The following C11orf65 variants were observed in gnomAD, a reference collection of about 807,000 sequenced individuals.
C11orf65 encodes the protein protein MFI.
C11orf65 carries 38 observed loss-of-function variants against 35.3 expected under a neutral mutation model. The ratio of observed to expected loss-of-function variants is 1.08; its 90% CI spans 0.83 to 1.41. C11orf65 has a LOEUF of 1.41. Among genes scored for constraint, C11orf65 ranks in the 40% most tolerant of loss-of-function variants. The pLI, the probability that C11orf65 is intolerant of heterozygous loss-of-function variation, is 0.00. For synonymous variants in C11orf65, 105 were observed against 114.4 expected (o/e 0.92, Z 0.53); for missense variants, 370 against 367.1 (o/e 1.01, Z -0.06).
chr11:108,368,226 AT>A (rs955312830), intron 2 of C11orf65: 1 of 203,138 alleles, frequency 4.9e-6, no homozygotes, highest in African/African-American at 2.3e-5. Context: ...TTTTTTTGTA[AT>A]TTTAGTAGAG....
At chr11:108,393,904 C>A (rs1044214965) in intron 6 of C11orf65, among the ~76,000 whole-genome samples, 1 of 151,944 alleles carries the variant, frequency 6.6e-6, no homozygotes, top group Non-Finnish European at 1.5e-5. Context: ...ACAGCCAGGC[C>A]CAGCGCGGTG....
chr11:108,413,616 A>T (rs528144532), intron 3 of C11orf65, among the ~76,000 whole-genome samples: 1 of 152,178 alleles, frequency 6.6e-6, no homozygotes. Flanking sequence ...TCTTAGAGGA[A>T]GCGCTTTCAA....
intron 2 of C11orf65, chr11:108,366,086 A>C (rs887884019): frequency 8.5e-5 from 16 of 189,094 alleles, no homozygotes; most frequent in African/African-American, 3.7e-4. Flanking sequence ...AAGATCACTC[A>C]GTGTTACTAA....
chr11:108,384,141 C>T (rs1354415577), intron 8 of C11orf65, among the ~76,000 whole-genome samples: 1 of 152,096 alleles, frequency 6.6e-6, no homozygotes, highest in East Asian at 1.9e-4. Context: ...GGATTACAGG[C>T]ATGAGCCATT....
chr11:108,402,752 C>T (rs920784060), intron 6 of C11orf65, among the ~76,000 whole-genome samples: 3 of 152,106 alleles, frequency 2.0e-5, no homozygotes, highest in Non-Finnish European at 2.9e-5. Context: ...TTCCTCTTTC[C>T]TATCTCCAGA....
At chr11:108,374,836 G>A (rs1015634348) in intron 2 of C11orf65, among the ~76,000 whole-genome samples, 2 of 152,204 alleles carry the variant, frequency 1.3e-5, no homozygotes, top group Non-Finnish European at 2.9e-5. Flanking sequence ...ACTACGTGAA[G>A]AATGCAGAAG....
In C11orf65 at chr11:108,309,539, C is replaced by G. The variant is rs2083970056; in HGVS notation, c.641-468G>C. Among the ~76,000 whole-genome samples, 4 of 152,166 alleles carry G rather than the reference C, an allele frequency of 2.6e-5. No individual in the cohort carries two copies. The South Asian group carries it at 8.3e-4, about 32-fold the overall frequency. On this transcript the variant is annotated intron_variant, in intron 6 of 6. Transcript: ENST00000525729. Reference sequence around the variant, plus strand: ...GTAGGCAATATAGCTAGATTTGAACCTACCTGTATTGTACTTCAACACTAG... The same window carrying G: ...GTAGGCAATATAGCTAGATTTGAACGTACCTGTATTGTACTTCAACACTAG...
chr11:108,368,087 A>T (rs2091425299), intron 2 of C11orf65: 1 of 208,448 alleles, frequency 4.8e-6, no homozygotes, highest in African/African-American at 2.3e-5. Context: ...ATGGTATGCT[A>T]TGAGGCTCCT....
intron 2 of C11orf65, among the ~76,000 whole-genome samples, chr11:108,340,006 T>C (rs1335043961): frequency 6.6e-6 from 1 of 152,210 alleles, no homozygotes; most frequent in South Asian, 2.1e-4. Flanking sequence ...GCTAGGTCTA[T>C]AGAAGTAGTA....
rs2091985600 is a variant in C11orf65, at chr11:108,385,904, G to A, written c.787+16C>T. 1.2e-6 allele frequency: 2 copies of A among 1,609,506 alleles called. No homozygotes were observed. Among genetic ancestry groups the A allele is most frequent in the Non-Finnish European group, 1.7e-6 (2 of 1,177,010 alleles). On this transcript the variant is annotated intron_variant, in intron 8 of 8. Coordinates refer to ENST00000393084, the MANE Select transcript of C11orf65 (RefSeq NM_152587.5). ...TCATGAGAATTTCCTATAAAGTACT[G>A]CTAAAAATCACCTACCTTTGAAGTT...
chr11:108,356,985 C>T (rs1159368089), intron 2 of C11orf65, among the ~76,000 whole-genome samples: 4 of 152,188 alleles, frequency 2.6e-5, no homozygotes, highest in African/African-American at 7.2e-5. Flanking sequence ...CAGCTCCCAG[C>T]GTGAGCGATG....
intron 3 of C11orf65, among the ~76,000 whole-genome samples, chr11:108,413,942 C>G (rs2138780710): frequency 6.6e-6 from 1 of 152,102 alleles, no homozygotes; most frequent in Admixed American, 6.5e-5. Context: ...ATTTATAGTA[C>G]TGAATGTGTG....
intron 2 of C11orf65, among the ~76,000 whole-genome samples, chr11:108,347,630 G>A (rs982130300): frequency 2.6e-5 from 4 of 152,092 alleles, no homozygotes; most frequent in African/African-American, 4.8e-5. Flanking sequence ...AGAAGATAGA[G>A]CAGATTCAAA....
chr11:108,316,252 A>G (rs2084640332), intron 6 of C11orf65: 1 of 920,094 alleles, frequency 1.1e-6, no homozygotes, highest in Non-Finnish European at 1.7e-6. Context: ...GGATTAGGCT[A>G]AACATTCAGG....
chr11:108,417,163 C>T (rs1172434874), intron 3 of C11orf65, among the ~76,000 whole-genome samples: 1 of 152,128 alleles, frequency 6.6e-6, no homozygotes, highest in Non-Finnish European at 1.5e-5. Context: ...AATCCCCAAA[C>T]ATCAGTAATT....
At chr11:108,428,447 G>A (rs532576962) in intron 3 of C11orf65, among the ~76,000 whole-genome samples, 107 of 152,324 alleles carry the variant, frequency 7.0e-4, no homozygotes, top group Non-Finnish European at 1.2e-3. Context: ...TAAAGAAAAT[G>A]TGCCACATAT....
In C11orf65 at chr11:108,385,919, C is replaced by A. The variant is rs371791861; in HGVS notation, c.787+1G>T. 3 of 1,613,518 alleles carry A rather than the reference C, an allele frequency of 1.9e-6. No homozygotes were observed. Among genetic ancestry groups the A allele is most frequent in the Non-Finnish European group, 2.5e-6 (3 of 1,179,620 alleles). The stretch of plus-strand genomic sequence containing the variant: ...ATAAAGTACTGCTAAAAATCACCTA[C>A]CTTTGAAGTTAGCCGAAGAGTTGCT... On this transcript the variant is annotated splice_donor_variant, in intron 8 of 8. Coordinates refer to ENST00000393084, the MANE Select transcript of C11orf65 (RefSeq NM_152587.5). LOFTEE classifies it high-confidence loss of function.
chr11:108,330,477 C>G (rs565086962), downstream of C11orf65: 1 of 1,547,862 alleles, frequency 6.5e-7, no homozygotes, highest in Admixed American at 1.7e-5. Flanking sequence ...TAGACATAAG[C>G]CCCTTGATGT....
rs879253983 is a variant in C11orf65, at chr11:108,317,487, A to G, written c.641-8416T>C. ...AGAACTTCATTACCAAGCAGCATGG[A>G]GGAATATGCAGTGGGACCATTGCAC... On this transcript the variant is annotated intron_variant, in intron 6 of 6. Coordinates refer to the C11orf65 transcript ENST00000525729. 6.2e-7 allele frequency: 1 copy of G among 1,611,498 alleles called. No homozygotes were observed.
Sources: gnomAD v4.1 joint callset for allele counts (sites outside exome capture counted in the v4.1 genomes callset) on GRCh38, gnomAD v4.1.1 for gene constraint, MANE v1.5 for transcripts, NCBI Gene and HGNC (gene_info 2026-07-23, HGNC 2026-07-21) for gene names.